The following KLHL29 variants were observed in gnomAD, a reference collection of about 807,000 sequenced individuals.
KLHL29 encodes the protein kelch-like protein 29.
KLHL29 carries 21 observed loss-of-function variants against 80.4 expected under a neutral mutation model. That is an observed-to-expected ratio of 0.26 (90% CI 0.19 to 0.38). The LOEUF (loss-of-function observed/expected upper bound fraction) is 0.38, where lower values mean the gene tolerates loss of function less well. Ranked by LOEUF, KLHL29 falls within the 10% of genes least tolerant of loss-of-function variation. The pLI, the probability that KLHL29 is intolerant of heterozygous loss-of-function variation, is 1.00. For synonymous variants in KLHL29, 511 were observed against 526.8 expected (o/e 0.97, Z 0.41); for missense variants, 867 against 1,223.9 (o/e 0.71, Z 4.35).
chr2:23,386,212 C>T (rs1666178437), intron 1 of KLHL29, among the ~76,000 whole-genome samples: 1 of 152,080 alleles, frequency 6.6e-6, no homozygotes, highest in African/African-American at 2.4e-5. Context: ...CGACGGAGGG[C>T]TGGCCCCCAG....
intron 2 of KLHL29, chr2:23,506,903 T>G: frequency 5.4e-6 from 1 of 183,606 alleles, no homozygotes; most frequent in South Asian, 8.1e-5. Flanking sequence ...GGGGTAGAAG[T>G]CTCTCTTCCA....
chr2:23,651,557 T>A (rs1433430948), intron 5 of KLHL29, among the ~76,000 whole-genome samples: 1 of 152,188 alleles, frequency 6.6e-6, no homozygotes, highest in Non-Finnish European at 1.5e-5. Flanking sequence ...GCCTGTCAAG[T>A]GCCTTTTAAA....
At chr2:23,481,388 C>T (rs1186243005) in intron 2 of KLHL29, among the ~76,000 whole-genome samples, 1 of 152,206 alleles carries the variant, frequency 6.6e-6, no homozygotes, top group South Asian at 2.1e-4. Flanking sequence ...CCTTTTAAGT[C>T]CCCTGCAATC....
At chr2:23,554,521 C>T (rs979512776) in intron 2 of KLHL29, among the ~76,000 whole-genome samples, 2 of 152,110 alleles carry the variant, frequency 1.3e-5, no homozygotes, top group African/African-American at 2.4e-5. Context: ...ATGATAGGAA[C>T]GAGGAAAGGG....
chr2:23,451,566 A>G (rs112488741), intron 1 of KLHL29, among the ~76,000 whole-genome samples: 15 of 152,232 alleles, frequency 9.9e-5, no homozygotes, highest in Non-Finnish European at 1.8e-4. Context: ...TCATGGCCCC[A>G]CTTGAGGCTC....
intron 3 of KLHL29, among the ~76,000 whole-genome samples, chr2:23,620,166 C>T (rs898806367): frequency 2.0e-4 from 31 of 151,928 alleles, no homozygotes; most frequent in Non-Finnish European, 3.1e-4. Context: ...GGAGATTGGA[C>T]GCAGCAAACC....
chr2:23,545,669 G>A (rs1233376552), intron 2 of KLHL29, among the ~76,000 whole-genome samples: 1 of 152,234 alleles, frequency 6.6e-6, no homozygotes, highest in Admixed American at 6.5e-5. Context: ...CCTGGAGTAT[G>A]GGGTGATTAG....
intron 2 of KLHL29, among the ~76,000 whole-genome samples, chr2:23,525,126 C>G (rs954450126): frequency 7.2e-5 from 11 of 152,206 alleles, no homozygotes; most frequent in African/African-American, 2.4e-4. Flanking sequence ...AGGCCAAATG[C>G]CTGACTTCAA....
At chr2:23,580,308 C>A (rs1211172799) in intron 3 of KLHL29, among the ~76,000 whole-genome samples, 3 of 147,862 alleles carry the variant, frequency 2.0e-5, no homozygotes, top group Non-Finnish European at 4.5e-5. Context: ...GGAGGCAGAG[C>A]TTGCAGTGAG....
intron 1 of KLHL29, among the ~76,000 whole-genome samples, chr2:23,464,024 C>G (rs773519960): frequency 1.4e-4 from 21 of 152,224 alleles, no homozygotes; most frequent in Admixed American, 2.0e-4. Flanking sequence ...CCTGCTACTT[C>G]ATACTTTGAA....
intron 1 of KLHL29, among the ~76,000 whole-genome samples, chr2:23,419,618 A>AT (rs1485413665): frequency 6.6e-6 from 1 of 152,130 alleles, no homozygotes; most frequent in Non-Finnish European, 1.5e-5. Context: ...TTCAGAATAG[A>AT]TTTTTAATTG....
chr2:23,581,195 C>A (rs1190845639), intron 3 of KLHL29, among the ~76,000 whole-genome samples: 1 of 152,034 alleles, frequency 6.6e-6, no homozygotes, highest in Non-Finnish European at 1.5e-5. Flanking sequence ...AAGTCAGACA[C>A]CCCTTGCACC....
chr2:23,497,799 G>A (rs759068496), intron 2 of KLHL29, among the ~76,000 whole-genome samples: 4 of 152,192 alleles, frequency 2.6e-5, no homozygotes, highest in Non-Finnish European at 5.9e-5. Context: ...TGAGCTGGAG[G>A]TGTCGAGTGG....
At chr2:23,528,758 C>A (rs1280102127) in intron 2 of KLHL29, among the ~76,000 whole-genome samples, 4 of 152,210 alleles carry the variant, frequency 2.6e-5, no homozygotes, top group African/African-American at 9.7e-5. Flanking sequence ...TTTGGACACA[C>A]GTATTTACTT....
intron 2 of KLHL29, among the ~76,000 whole-genome samples, chr2:23,499,020 A>G (rs1208895484): frequency 6.6e-6 from 1 of 152,212 alleles, no homozygotes; most frequent in Non-Finnish European, 1.5e-5. Context: ...TCGTGGCCAT[A>G]AGAATTGTAT....
At chr2:23,393,397 C>G (rs1179734766) in intron 1 of KLHL29, among the ~76,000 whole-genome samples, 1 of 152,194 alleles carries the variant, frequency 6.6e-6, no homozygotes, top group African/African-American at 2.4e-5. Context: ...GACTAATTCT[C>G]TCTTGGAGCT....
At position 23,562,394 on chromosome 2, in the gene KLHL29, G is replaced by A. The variant is rs779074027; in HGVS notation, c.198G>A (p.Pro66=). Residue 66 remains proline, a synonymous_variant, in exon 3 of 14, where the codon CCG becomes CCA. Transcript: ENST00000486442. This position sits in a 1 kb window ranked among gnomAD's most constrained non-coding sequence, Gnocchi z 4.5. ...TGGTGCCCTCCCGGCTGCCCACCCC[G>A]GCTACAGCTCCTGCTCCCTGCACCA... ...LPVVPSRLPT[P]ATAPAPCTTG... is the part of the protein sequence containing the mutation. 44 of 1,538,784 alleles carry A rather than the reference G, an allele frequency of 2.9e-5. No homozygotes were observed. Among genetic ancestry groups the A allele is most frequent in the Admixed American group, 1.4e-4 (7 of 50,912 alleles).
chr2:23,684,559 G>A lies in KLHL29; in HGVS notation c.1079+22G>A. The stretch of plus-strand genomic sequence containing the variant: ...AAAGGTTTGCCTTCCTTCCAGCTGT[G>A]GTCGGGTCTGTTCCTTTGTAGGACG... On this transcript the variant is annotated intron_variant, in intron 6 of 13. Coordinates refer to ENST00000486442, the MANE Select transcript of KLHL29 (RefSeq NM_052920.2). This position sits in a 1 kb window ranked among gnomAD's most constrained non-coding sequence, Gnocchi z 4.4. 2 of 1,538,296 alleles carry A rather than the reference G, an allele frequency of 1.3e-6. No individual in the cohort carries two copies. The highest frequency in any genetic ancestry group is 2.5e-5 in the East Asian group (1 of 40,570).
At chr2:23,511,464 T>C (rs903313230) in intron 2 of KLHL29, among the ~76,000 whole-genome samples, 3 of 152,118 alleles carry the variant, frequency 2.0e-5, no homozygotes, top group Admixed American at 6.5e-5. Flanking sequence ...TGGGTCCCCA[T>C]GGAGCGGGGA....
Sources: allele counts gnomAD v4.1 joint callset (sites outside exome capture counted in the v4.1 genomes callset), GRCh38; gene constraint gnomAD v4.1.1; non-coding constraint Gnocchi (gnomAD v3.1); transcripts MANE v1.5; gene names NCBI Gene and HGNC (gene_info 2026-07-23, HGNC 2026-07-21).